BZW1: variants seen among roughly 807,000 people sequenced by gnomAD.
BZW1 encodes the protein eIF5-mimic protein 2.
A neutral mutation model predicts 54.1 loss-of-function variants in BZW1; 3 were observed. The ratio of observed to expected loss-of-function variants is 0.06; its 90% CI spans 0.03 to 0.14. The LOEUF (loss-of-function observed/expected upper bound fraction) is 0.14. Among genes scored for constraint, BZW1 ranks in the 10% least tolerant of loss-of-function variants. The pLI is 1.00. For synonymous variants in BZW1, 152 were observed against 162.7 expected (o/e 0.93, Z 0.50); for missense variants, 206 against 491.7 (o/e 0.42, Z 5.50).
chr2:200,812,527 G>A lies in BZW1; in HGVS notation c.-11+537G>A, dbSNP rs1328001531. 13 of 1,391,114 alleles carry A rather than the reference G, an allele frequency of 9.3e-6. No homozygotes were observed. The South Asian group carries it at 2.0e-4, about 22-fold the overall frequency. 86.2% of individuals were successfully genotyped at this position (1,391,114 alleles called of 1,614,324 possible). ...AGAAAGAGCCGCGGGACCCTACGGCGCCCCGCTGTGGCCGATGGGGTCCTG... is the reference window on the plus strand; with the variant it reads ...AGAAAGAGCCGCGGGACCCTACGGCACCCCGCTGTGGCCGATGGGGTCCTG... On this transcript the variant is annotated intron_variant, in intron 1 of 11. Transcript: ENST00000409600.
intron 2 of BZW1, among the ~76,000 whole-genome samples, chr2:200,814,789 C>G (rs887201235): frequency 6.6e-6 from 1 of 152,174 alleles, no homozygotes; most frequent in Non-Finnish European, 1.5e-5. Context: ...CCTAATTTCT[C>G]TGACTCTCAG....
intron 2 of BZW1, among the ~76,000 whole-genome samples, chr2:200,814,401 TC>T (rs1415145482): frequency 6.6e-6 from 1 of 152,192 alleles, no homozygotes; most frequent in Non-Finnish European, 1.5e-5. Flanking sequence ...CACAAGACTT[TC>T]AGTGCTAAAA....
In BZW1 at chr2:200,823,924, A is replaced by T. The variant is rs1349559559; in HGVS notation, c.*1746A>T. 6.6e-6 allele frequency: 1 copy of T among 151,846 alleles called. No homozygotes were observed. Among genetic ancestry groups the T allele is most frequent in the Non-Finnish European group, 1.5e-5 (1 of 67,972 alleles). The allele number at this position is 151,846 out of a possible 1,614,324, so 9.4% of individuals were successfully genotyped here. On this transcript the variant is annotated 3_prime_UTR_variant, in exon 12 of 12. Transcript: ENST00000409600. ...TTGTGTGTTCAGATGTCTTTACTGT[A>T]TCTGTATACCATTAAGTAATAATTA...
chr2:200,814,459 T>C (rs2038214855), intron 2 of BZW1, among the ~76,000 whole-genome samples: 1 of 152,182 alleles, frequency 6.6e-6, no homozygotes, highest in Non-Finnish European at 1.5e-5. Flanking sequence ...CCTAGTACTG[T>C]GTGAACAGAT....
chr2:200,812,254 C>T (rs1222001083), intron 1 of BZW1: 12 of 1,231,944 alleles, frequency 9.7e-6, no homozygotes, highest in African/African-American at 4.7e-5. Flanking sequence ...AGGCGGGCTC[C>T]CTCTGGGCCG....
rs1335109826 is a variant in BZW1 at position 200,823,214 on chromosome 2, T to C, written c.*1036T>C. 2 of 165,210 alleles carry C rather than the reference T, an allele frequency of 1.2e-5. No homozygotes were observed. Among genetic ancestry groups the C allele is most frequent in the African/African-American group, 2.4e-5 (1 of 41,406 alleles). 10.2% of individuals were successfully genotyped at this position (165,210 alleles called of 1,614,324 possible). A position where few individuals can be genotyped will look rare whatever the true frequency, so the allele number is the denominator to read the frequency against. On this transcript the variant is annotated 3_prime_UTR_variant, in exon 12 of 12. Coordinates refer to ENST00000409600, the MANE Select transcript of BZW1 (RefSeq NM_001207067.2). ...ATAACAAATGAAGTGCAATGACAAT[T>C]ATATATTCCTACTCGGTCATACTGG...
rs1393350672 is a variant in BZW1, at chr2:200,818,751, G to A, written c.820-4G>A. 1 of 1,576,444 alleles carries A rather than the reference G, an allele frequency of 6.3e-7. No homozygotes were observed. Among genetic ancestry groups the A allele is most frequent in the Non-Finnish European group, 8.5e-7 (1 of 1,170,546 alleles). Reference sequence around the variant, plus strand: ...TCTGTTACTAAATTTGGATTCATTTGCAGATAATTTTATATGTCAAGGAGG... The same window carrying A: ...TCTGTTACTAAATTTGGATTCATTTACAGATAATTTTATATGTCAAGGAGG... On this transcript the variant is annotated splice_polypyrimidine_tract_variant and splice_region_variant and intron_variant, in intron 8 of 11. Coordinates refer to ENST00000409600, the MANE Select transcript of BZW1 (RefSeq NM_001207067.2).
rs78296200 is a variant in BZW1 at position 200,817,818 on chromosome 2, G to C, written c.539-156G>C. Among the ~76,000 whole-genome samples the C allele has an allele frequency of 5.7e-3, 874 of 152,294 alleles. 9 individuals are homozygous for C. Among genetic ancestry groups the C allele is most frequent in the African/African-American group, 0.02 (824 of 41,560 alleles). ...CAAGTGGTAGACTAGGGAGATTGGA[G>C]AAGTGATAAACTGTGGCCCAGGAAA... On this transcript the variant is annotated intron_variant, in intron 6 of 11. Transcript: ENST00000409600.
chr2:200,823,355 C>A lies in BZW1; in HGVS notation c.*1177C>A, dbSNP rs1376425489. On this transcript the variant is annotated 3_prime_UTR_variant, in exon 12 of 12. Coordinates refer to ENST00000409600, the MANE Select transcript of BZW1 (RefSeq NM_001207067.2). ...AAATACTTCTTGGTATACAATTGAT[C>A]CATTTATTTTAATGGCTGCCTTTTC... 1.3e-5 allele frequency: 2 copies of A among 156,808 alleles called. No homozygotes were observed. Among genetic ancestry groups the A allele is most frequent in the East Asian group, 3.9e-4 (2 of 5,182 alleles). 9.7% of individuals were successfully genotyped at this position (156,808 alleles called of 1,614,324 possible).
At position 200,825,578 on chromosome 2, in the gene BZW1, CCACCA is replaced by C. The variant is rs1400894859; in HGVS notation, c.*3403_*3407del. The C allele has an allele frequency of 6.6e-6, 1 of 152,172 alleles. No individual in the cohort carries two copies. The highest frequency in any genetic ancestry group is 1.5e-5 in the Non-Finnish European group (1 of 68,040). The allele number at this position is 152,172 out of a possible 1,614,324, so 9.4% of individuals were successfully genotyped here. Reference sequence around the variant, plus strand: ...CACCAGTTGTGCTTTGTTCCTTACCCCACCACAGGCAACAGACAAAGCATTTCCTG... The same window carrying C: ...CACCAGTTGTGCTTTGTTCCTTACCCCAGGCAACAGACAAAGCATTTCCTG... On this transcript the variant is annotated 3_prime_UTR_variant, in exon 12 of 12. Coordinates refer to ENST00000409600, the MANE Select transcript of BZW1 (RefSeq NM_001207067.2).
intron 8 of BZW1, 85 bp downstream of exon 8, chr2:200,818,478 A>C (rs993679451): frequency 7.9e-5 from 115 of 1,453,222 alleles, no homozygotes; most frequent in Non-Finnish European, 1.1e-4. Flanking sequence ...CTTCACCAGG[A>C]TGAGATTGAG....
In BZW1 at chr2:200,823,293, A is replaced by G. The variant is rs1220443739; in HGVS notation, c.*1115A>G. On this transcript the variant is annotated 3_prime_UTR_variant, in exon 12 of 12. Transcript: ENST00000409600. ...TAATGACTCAAGCCTCTGGCTATTA[A>G]CATACCCTAGTTGCCGTTTTTTAAT... is the stretch of plus-strand genomic sequence containing the variant. 7 of 164,484 alleles carry G rather than the reference A, an allele frequency of 4.3e-5. No individual in the cohort carries two copies. The highest frequency in any genetic ancestry group is 3.9e-4 in the Admixed American group (6 of 15,292). 10.2% of individuals were successfully genotyped at this position (164,484 alleles called of 1,614,324 possible).
intron 5 of BZW1, 30 bp downstream of exon 5, chr2:200,816,420 GAAA>G (rs756727801): frequency 1.4e-6 from 2 of 1,412,750 alleles, no homozygotes; most frequent in African/African-American, 2.8e-5. Flanking sequence ...TTGTGGAAAA[GAAA>G]AAAATAGGGT....
rs1313546999 is a variant in BZW1, at chr2:200,827,220, A to T, written c.*5042A>T. On this transcript the variant is annotated 3_prime_UTR_variant, in exon 12 of 12. Transcript: ENST00000409600. ...ACTCTAAAAAACCTCAAATACAGCC[A>T]TCCAAGCCAGTAATTCTATTGCTGC... is the stretch of plus-strand genomic sequence containing the variant. The T allele has an allele frequency of 6.6e-6, 1 of 152,202 alleles. No homozygotes were observed. The allele number at this position is 152,202 out of a possible 1,614,324, so 9.4% of individuals were successfully genotyped here.
At chr2:200,812,884 A>T (rs2038139760) in intron 1 of BZW1, 1 of 653,378 alleles carries the variant, frequency 1.5e-6, no homozygotes, top group Non-Finnish European at 2.9e-6. Flanking sequence ...GTCGTGGAAG[A>T]TGTAAGTGAA....
Position 200,820,131 on chromosome 2 carries a change from T to TTTTTGAATTTTGAAAAGGTAA in BZW1, c.1105+14_1105+15insTGAATTTTGAAAAGGTAATTT, listed in dbSNP as rs2038454165. 6.6e-7 allele frequency: 1 copy of TTTTTGAATTTTGAAAAGGTAA among 1,520,320 alleles called. No homozygotes were observed. Among genetic ancestry groups the TTTTTGAATTTTGAAAAGGTAA allele is most frequent in the Non-Finnish European group, 8.8e-7 (1 of 1,132,234 alleles). 94.2% of individuals were successfully genotyped at this position (1,520,320 alleles called of 1,614,324 possible). On this transcript the variant is annotated intron_variant, in intron 10 of 11. Transcript: ENST00000409600. ...TGCTTTTTTATAAAGGTAATTTAGA[T>TTTTTGAATTTTGAAAAGGTAA]TTTGAATTTTGTAAATAACACTTAA... is the stretch of plus-strand genomic sequence containing the variant.
intron 10 of BZW1, among the ~76,000 whole-genome samples, chr2:200,820,553 A>C (rs2038472367): frequency 6.6e-6 from 1 of 152,152 alleles, no homozygotes; most frequent in Admixed American, 6.5e-5. Context: ...ATGGTGGCGC[A>C]AGCCTGTAGT....
intron 11 of BZW1, among the ~76,000 whole-genome samples, chr2:200,821,697 A>G (rs2038522119): frequency 6.6e-6 from 1 of 152,074 alleles, no homozygotes; most frequent in Non-Finnish European, 1.5e-5. Context: ...ACCCAGCCAA[A>G]TGTTGGGATT....
chr2:200,812,876 C>T (rs934777037), intron 1 of BZW1: 3 of 653,200 alleles, frequency 4.6e-6, no homozygotes, highest in South Asian at 4.5e-5. Context: ...GCTTAGTGGT[C>T]GTGGAAGATG....
Sources: allele counts gnomAD v4.1 joint callset (sites outside exome capture counted in the v4.1 genomes callset), GRCh38; gene constraint gnomAD v4.1.1; transcripts MANE v1.5; gene names NCBI Gene and HGNC (gene_info 2026-07-23, HGNC 2026-07-21).